Variants in SPATA17 observed in about 807,000 individuals in gnomAD.
The protein encoded by SPATA17 is spermatogenesis-associated protein 17.
A neutral mutation model predicts 62.2 loss-of-function variants in SPATA17; 53 were observed. The observed-to-expected ratio is 0.85, with a 90% CI of 0.68 to 1.07. SPATA17 has a LOEUF of 1.07. Ranked by LOEUF, SPATA17 falls within the 50% of genes least tolerant of loss-of-function variation. The probability of loss-of-function intolerance (pLI) is 0.00; values close to 1 mark genes in which losing one functional copy is unlikely to be tolerated. For synonymous variants in SPATA17, 146 were observed against 146.8 expected (o/e 0.99, Z 0.04); for missense variants, 466 against 425.5 (o/e 1.10, Z -0.84).
At chr1:217,787,281 A>G (rs754817222) in intron 8 of SPATA17, among the ~76,000 whole-genome samples, 3 of 152,156 alleles carry the variant, frequency 2.0e-5, no homozygotes, top group Non-Finnish European at 4.4e-5. Context: ...CACTAAAGAG[A>G]TTCGATTATG....
chr1:217,731,744 C>T (rs959636138), intron 5 of SPATA17, among the ~76,000 whole-genome samples: 12 of 152,026 alleles, frequency 7.9e-5, no homozygotes, highest in Admixed American at 3.9e-4. Flanking sequence ...CCAAAATGAA[C>T]ACTTGAATCA....
At position 217,707,861 on chromosome 1, in the gene SPATA17, G is replaced by T. The variant is rs1671770669; in HGVS notation, c.395+24500G>T. Among the ~76,000 whole-genome samples the T allele has an allele frequency of 2.6e-5, 4 of 152,120 alleles. No individual in the cohort carries two copies. The South Asian group carries it at 8.3e-4, about 31-fold the overall frequency. On this transcript the variant is annotated intron_variant, in intron 5 of 10. Coordinates refer to ENST00000366933, the MANE Select transcript of SPATA17 (RefSeq NM_138796.4). ...TGTAATCCTGCTAACCACACTTTCA[G>T]ACTACAGGACCATAAAAATAGAAAT...
intron 3 of SPATA17, among the ~76,000 whole-genome samples, chr1:217,659,990 T>C (rs1359159000): frequency 6.6e-6 from 1 of 152,214 alleles, no homozygotes; most frequent in Non-Finnish European, 1.5e-5. Context: ...TTGCTTCTTA[T>C]CTAATGTCAC....
In SPATA17 at chr1:217,786,757, T is replaced by TTCTTCC. The variant is rs201945884; in HGVS notation, c.872+4440_872+4441insCTCTTC. 9.5e-3 allele frequency among the ~76,000 whole-genome samples: 972 copies of TTCTTCC among 102,734 alleles called. 5 individuals are homozygous for TTCTTCC. Among genetic ancestry groups the TTCTTCC allele is most frequent in the East Asian group, 0.04 (96 of 2,422 alleles). The allele number at this position is 102,734 out of a possible 152,430, so 67.4% of individuals were successfully genotyped here. ...GAAGGATTTGATATTCTCTTTCTTC[T>TTCTTCC]TCTTCTTCTTCTTCTTCTTCTTCTT... On this transcript the variant is annotated intron_variant, in intron 8 of 10. Transcript: ENST00000366933.
At chr1:217,666,206 C>G (rs1327302499) in intron 3 of SPATA17, among the ~76,000 whole-genome samples, 2 of 152,084 alleles carry the variant, frequency 1.3e-5, no homozygotes, top group African/African-American at 4.8e-5. Context: ...AGAATTTTGT[C>G]TGCTGAGACA....
rs560003623 is a variant in SPATA17 at position 217,703,994 on chromosome 1, C to G, written c.395+20633C>G. Among the ~76,000 whole-genome samples the G allele has an allele frequency of 2.6e-5, 4 of 151,868 alleles. No individual in the cohort carries two copies. In the South Asian group the frequency reaches 8.3e-4, roughly 32 times the overall value. Reference sequence around the variant, plus strand: ...GGTGGGGCTCTTTTAATAAAATCCTCTCTCCCTCTTTATTTCATGTTGCTA... The same window carrying G: ...GGTGGGGCTCTTTTAATAAAATCCTGTCTCCCTCTTTATTTCATGTTGCTA... On this transcript the variant is annotated intron_variant, in intron 5 of 10. Coordinates refer to ENST00000366933, the MANE Select transcript of SPATA17 (RefSeq NM_138796.4).
intron 5 of SPATA17, among the ~76,000 whole-genome samples, chr1:217,685,419 G>A (rs1016744029): frequency 1.3e-5 from 2 of 152,180 alleles, no homozygotes; most frequent in Admixed American, 1.3e-4. Context: ...TCTCTAGTCA[G>A]TAGAGAGTCT....
At chr1:217,724,848 TC>T (rs1243834820) in intron 5 of SPATA17, among the ~76,000 whole-genome samples, 1 of 152,160 alleles carries the variant, frequency 6.6e-6, no homozygotes, top group East Asian at 1.9e-4. Context: ...TTATTTTTTT[TC>T]CCTGTGCACT....
At chr1:217,756,331 T>C (rs1673041585) in intron 6 of SPATA17, among the ~76,000 whole-genome samples, 1 of 151,910 alleles carries the variant, frequency 6.6e-6, no homozygotes, top group South Asian at 2.1e-4. Context: ...TGGTTTTTTT[T>C]TGAAGGACAA....
At position 217,632,448 on chromosome 1, in the gene SPATA17, A is replaced by G. The variant is rs553698424; in HGVS notation, c.68+1002A>G. 2.0e-5 allele frequency among the ~76,000 whole-genome samples: 3 copies of G among 152,320 alleles called. No homozygotes were observed. The South Asian group carries it at 6.2e-4, about 32-fold the overall frequency. ...TGGAATACAGTGACATGACAGACCAATGGAAAATATGTCAATGAGATAGGG... is the reference window on the plus strand; with the variant it reads ...TGGAATACAGTGACATGACAGACCAGTGGAAAATATGTCAATGAGATAGGG... On this transcript the variant is annotated intron_variant, in intron 1 of 10. Transcript: ENST00000366933.
intron 6 of SPATA17, among the ~76,000 whole-genome samples, chr1:217,746,879 A>G (rs954721900): frequency 1.3e-5 from 2 of 152,040 alleles, no homozygotes; most frequent in African/African-American, 2.4e-5. Flanking sequence ...GTTTATTTCA[A>G]TCAGAAAGCT....
chr1:217,734,974 G>A (rs1464571125), intron 5 of SPATA17, among the ~76,000 whole-genome samples: 1 of 152,158 alleles, frequency 6.6e-6, no homozygotes, highest in Admixed American at 6.5e-5. Context: ...AAGAGCTGGA[G>A]TTCTGGTTCT....
At chr1:217,702,081 T>C (rs1671612077) in intron 5 of SPATA17, among the ~76,000 whole-genome samples, 1 of 151,888 alleles carries the variant, frequency 6.6e-6, no homozygotes, top group African/African-American at 2.4e-5. Flanking sequence ...TTGACTACTA[T>C]TTATACAAAA....
At chr1:217,707,772 G>C (rs186934212) in intron 5 of SPATA17, among the ~76,000 whole-genome samples, 4 of 152,108 alleles carry the variant, frequency 2.6e-5, no homozygotes, top group South Asian at 4.2e-4. Flanking sequence ...TCTGCACATG[G>C]TACATACTCT....
intron 8 of SPATA17, among the ~76,000 whole-genome samples, chr1:217,795,231 A>C (rs1485091420): frequency 6.6e-6 from 1 of 152,180 alleles, no homozygotes; most frequent in Admixed American, 6.5e-5. Context: ...TGACTATCAA[A>C]GAGGGGAAAT....
In SPATA17 at chr1:217,805,005, G is replaced by A. The variant is rs544370119; in HGVS notation, c.1005+3155G>A. Among the ~76,000 whole-genome samples the A allele has an allele frequency of 2.0e-5, 3 of 152,276 alleles. No homozygotes were observed. The East Asian group carries it at 5.8e-4, about 29-fold the overall frequency. ...TCAAAAAATTAAAAATAGAACTACTGTAAAATCCAGCAATCCTATTTCTGG... is the reference window on the plus strand; with the variant it reads ...TCAAAAAATTAAAAATAGAACTACTATAAAATCCAGCAATCCTATTTCTGG... On this transcript the variant is annotated intron_variant, in intron 9 of 10. Coordinates refer to ENST00000366933, the MANE Select transcript of SPATA17 (RefSeq NM_138796.4).
intron 5 of SPATA17, among the ~76,000 whole-genome samples, chr1:217,696,363 C>T (rs976582290): frequency 4.3e-4 from 65 of 152,264 alleles, no homozygotes; most frequent in African/African-American, 1.5e-3. Context: ...GCGCACAGTG[C>T]GCGCACCCAC....
intron 5 of SPATA17, among the ~76,000 whole-genome samples, chr1:217,733,233 ATTACTC>A (rs998338239): frequency 1.3e-5 from 2 of 152,206 alleles, no homozygotes; most frequent in Non-Finnish European, 2.9e-5. Flanking sequence ...ATTTACTAGC[ATTACTC>A]TTAGAGAGCC....
intron 9 of SPATA17, among the ~76,000 whole-genome samples, chr1:217,853,639 A>G (rs939791209): frequency 6.6e-6 from 1 of 152,184 alleles, no homozygotes; most frequent in African/African-American, 2.4e-5. Flanking sequence ...ATTGGTGAAT[A>G]ACGAACCATT....
Sources: allele counts gnomAD v4.1 joint callset (sites outside exome capture counted in the v4.1 genomes callset), GRCh38; gene constraint gnomAD v4.1.1; transcripts MANE v1.5; gene names NCBI Gene and HGNC (gene_info 2026-07-23, HGNC 2026-07-21).